DBF4B: variants seen among roughly 807,000 people sequenced by gnomAD.
The protein encoded by DBF4B is DBF4B-CDC7 kinase regulatory subunit, also known as protein DBF4 homolog B.
In DBF4B, 49 loss-of-function variants were observed where a neutral mutation model predicts 53.4. The ratio of observed to expected loss-of-function variants is 0.92; its 90% CI spans 0.73 to 1.16. The LOEUF is 1.16. Among genes scored for constraint, DBF4B ranks in the 50% most tolerant of loss-of-function variants. The pLI is 0.00. For synonymous variants in DBF4B, 257 were observed against 288.7 expected, an observed-to-expected ratio of 0.89 and a Z score of 1.11; for missense variants, 692 against 775.0, an observed-to-expected ratio of 0.89 and a Z score of 1.27.
intron 2 of DBF4B, among the ~76,000 whole-genome samples, chr17:44,722,190 A>G (rs1973910414): frequency 1.3e-5 from 2 of 151,484 alleles, no homozygotes; most frequent in Admixed American, 6.6e-5. Flanking sequence ...CCCCTGGAAT[A>G]TGGGCTCATT....
intron 3 of DBF4B, among the ~76,000 whole-genome samples, chr17:44,726,958 G>A (rs1051575852): frequency 3.9e-5 from 6 of 152,020 alleles, no homozygotes; most frequent in Non-Finnish European, 8.8e-5. Context: ...AATTAGCTGC[G>A]TGTGGTGGTA....
chr17:44,746,493 GTCAC>G (rs916009973), intron 10 of DBF4B, among the ~76,000 whole-genome samples: 71 of 152,136 alleles, frequency 4.7e-4, no homozygotes, highest in African/African-American at 1.5e-3. Flanking sequence ...TGCTGCTGCC[GTCAC>G]CATCCCATCT....
chr17:44,748,202 T>C lies in DBF4B; in HGVS notation c.1065-139T>C, dbSNP rs1212689485. The C allele has an allele frequency of 5.0e-6, 6 of 1,192,426 alleles. No individual in the cohort carries two copies. The African/African-American group carries it at 9.2e-5, about 18-fold the overall frequency. 73.9% of individuals were successfully genotyped at this position (1,192,426 alleles called of 1,614,324 possible). A position where few individuals can be genotyped will look rare whatever the true frequency, so the allele number is the denominator to read the frequency against. ...GCAGGTTAGACCCAAACAGGAGGAC[T>C]TTCACACAGGGCCTCAGAGAAGGCA... On this transcript the variant is annotated intron_variant, in intron 12 of 13. Transcript: ENST00000315005.
chr17:44,726,878 C>G (rs1974394900), intron 3 of DBF4B, among the ~76,000 whole-genome samples: 1 of 152,082 alleles, frequency 6.6e-6, no homozygotes. Context: ...GCGGGCGGAT[C>G]ACTTAAGGCC....
intron 2 of DBF4B, among the ~76,000 whole-genome samples, chr17:44,711,423 G>T (rs1302841755): frequency 6.6e-6 from 1 of 152,096 alleles, no homozygotes; most frequent in Admixed American, 6.6e-5. Context: ...CAATTCTCCT[G>T]CCTCAGTCTC....
At chr17:44,711,560 C>T (rs1457397953) in intron 2 of DBF4B, among the ~76,000 whole-genome samples, 2 of 152,138 alleles carry the variant, frequency 1.3e-5, no homozygotes, top group Non-Finnish European at 2.9e-5. Flanking sequence ...ACTTGTAATC[C>T]CAGCACTTTG....
intron 7 of DBF4B, among the ~76,000 whole-genome samples, chr17:44,734,894 A>G (rs994672502): frequency 7.2e-5 from 11 of 152,340 alleles, no homozygotes; most frequent in Admixed American, 3.9e-4. Context: ...ACTTGAGGTC[A>G]GGAGTTCAAG....
intron 13 of DBF4B, chr17:44,750,336 G>T: frequency 7.8e-7 from 1 of 1,277,292 alleles, no homozygotes; most frequent in South Asian, 2.7e-5. Flanking sequence ...TTTAAATGTT[G>T]AAGCTTCCGG....
intron 6 of DBF4B, 169 bp downstream of exon 6, chr17:44,732,434 C>T (rs554732099): frequency 8.1e-5 from 59 of 731,896 alleles, no homozygotes; most frequent in South Asian, 7.6e-4. Context: ...AGGGGGAAAG[C>T]GGTGAGGACG....
intron 3 of DBF4B, among the ~76,000 whole-genome samples, chr17:44,723,528 T>C (rs1218381463): frequency 6.6e-6 from 1 of 151,858 alleles, no homozygotes; most frequent in Non-Finnish European, 1.5e-5. Context: ...CCAAGGCAGG[T>C]GGATTACTTG....
At position 44,723,002 on chromosome 17, in the gene DBF4B, G is replaced by A; in HGVS notation, c.205G>A (p.Ala69Thr). ...AGKNLQFLTG[A>T]IQQLGGVIEG... ...CAAGAATCTCCAGTTTTTGACGGGGGCCATTCAGCAACTGGGTGGGGTAGG... is the reference window on the plus strand; with the variant it reads ...CAAGAATCTCCAGTTTTTGACGGGGACCATTCAGCAACTGGGTGGGGTAGG... The change falls in exon 3 of 14, where the codon GCC becomes ACC. Residue 69 changes from alanine to threonine, a missense_variant. Ala to Thr is a moderately conservative substitution (Grantham distance 58). Transcript: ENST00000315005. 2 of 1,614,018 alleles carry A rather than the reference G, an allele frequency of 1.2e-6. No individual in the cohort carries two copies. Among genetic ancestry groups the A allele is most frequent in the East Asian group, 2.2e-5 (1 of 44,878 alleles).
Position 44,749,272 on chromosome 17 carries a change from C to G in DBF4B, c.1189+807C>G. On this transcript the variant is annotated intron_variant, in intron 13 of 13. Transcript: ENST00000315005. This position sits in a 1 kb window ranked among gnomAD's most constrained non-coding sequence, Gnocchi z 4.4. ...CTCCCAGCCCTGGTCCCAACCCCAG[C>G]CCCAGCCCCAGCCCCATGCTGGCAG... is the stretch of plus-strand genomic sequence containing the variant. 1 of 1,290,416 alleles carries G rather than the reference C, an allele frequency of 7.7e-7. No individual in the cohort carries two copies. The allele number at this position is 1,290,416 out of a possible 1,614,324, so 79.9% of individuals were successfully genotyped here. A position where few individuals can be genotyped will look rare whatever the true frequency, so the allele number is the denominator to read the frequency against.
At chr17:44,741,513 G>T in intron 10 of DBF4B, 61 bp downstream of exon 10, 5 of 1,162,454 alleles carry the variant, frequency 4.3e-6, no homozygotes, top group South Asian at 1.5e-5. Context: ...CTCCCCATCG[G>T]GGGCCTGCTG....
chr17:44,718,212 A>T (rs532704236), intron 2 of DBF4B, among the ~76,000 whole-genome samples: 4 of 152,068 alleles, frequency 2.6e-5, no homozygotes, highest in African/African-American at 9.6e-5. Context: ...CGGGCGGATC[A>T]TGAGTTCAAG....
intron 5 of DBF4B, chr17:44,731,906 G>A: frequency 2.6e-6 from 1 of 379,306 alleles, no homozygotes; most frequent in Non-Finnish European, 4.8e-6. Context: ...TCTCTCAGAA[G>A]CATCTGTTCC....
At chr17:44,710,184 A>G (rs1283435470) in intron 2 of DBF4B, among the ~76,000 whole-genome samples, 1 of 152,040 alleles carries the variant, frequency 6.6e-6, no homozygotes, top group African/African-American at 2.4e-5. Context: ...AAAAAAAGAA[A>G]AAAAAAATAC....
rs1456896222 is a variant in DBF4B at position 44,727,290 on chromosome 17, G to A, written c.226-2615G>A. ...AAAAATTAGCAGGGCATGGTAGCAC[G>A]CACTTGTAGTCCCAGCTACTCGGGA... is the stretch of plus-strand genomic sequence containing the variant. On this transcript the variant is annotated intron_variant, in intron 3 of 13. Coordinates refer to ENST00000315005, the MANE Select transcript of DBF4B (RefSeq NM_145663.3). 7.9e-5 allele frequency among the ~76,000 whole-genome samples: 12 copies of A among 151,582 alleles called. No homozygotes were observed. In the South Asian group the frequency reaches 1.7e-3, roughly 21 times the overall value.
At chr17:44,733,994 T>C in intron 6 of DBF4B, 96 bp from the exon 7 acceptor site, 2 of 987,080 alleles carry the variant, frequency 2.0e-6, no homozygotes, top group Admixed American at 1.8e-5. Context: ...TTCAGTGGGC[T>C]GGCCCAGCGA....
chr17:44,743,941 G>T (rs1163336292), intron 10 of DBF4B, among the ~76,000 whole-genome samples: 1 of 151,734 alleles, frequency 6.6e-6, no homozygotes, highest in Non-Finnish European at 1.5e-5. Flanking sequence ...AGGGAACGAA[G>T]GATACACATG....
Sources: allele counts gnomAD v4.1 joint callset (sites outside exome capture counted in the v4.1 genomes callset), GRCh38; gene constraint gnomAD v4.1.1; non-coding constraint Gnocchi (gnomAD v3.1); transcripts MANE v1.5; gene names NCBI Gene and HGNC (gene_info 2026-07-23, HGNC 2026-07-21).